The following CSGALNACT1 variants were observed in gnomAD, a reference collection of about 807,000 sequenced individuals.
CSGALNACT1 encodes beta4GalNAcT-1.
Under a neutral mutation model 51.0 loss-of-function variants are expected in CSGALNACT1, and 52 were observed. The observed-to-expected ratio is 1.02, with a 90% CI of 0.82 to 1.29. The LOEUF (loss-of-function observed/expected upper bound fraction) is 1.29, where lower values mean the gene tolerates loss of function less well. CSGALNACT1 is among the 50% of genes most tolerant of loss of function. The pLI, the probability that CSGALNACT1 is intolerant of heterozygous loss-of-function variation, is 0.00. For missense variants in CSGALNACT1, 935 were observed against 679.2 expected (o/e 1.38, Z -4.19); for synonymous variants, 341 against 254.4 (o/e 1.34, Z -3.24).
At chr8:19,489,617 A>C (rs966869796) in intron 4 of CSGALNACT1, among the ~76,000 whole-genome samples, 3 of 152,168 alleles carry the variant, frequency 2.0e-5, no homozygotes, top group Non-Finnish European at 2.9e-5. Flanking sequence ...CCCTCATTTA[A>C]GTCTAGGGGG....
rs147963817 is a variant in CSGALNACT1 at position 19,672,572 on chromosome 8, A to G, written c.-544+9901T>C. The stretch of plus-strand genomic sequence containing the variant: ...GAATACTATTGACTATCTAATATAA[A>G]TGCTTAATAGCAGAAAACCCTTGCA... On this transcript the variant is annotated intron_variant, in intron 1 of 9. Coordinates refer to the CSGALNACT1 transcript ENST00000332246. Among the ~76,000 whole-genome samples, 744 of 152,310 alleles carry G rather than the reference A, an allele frequency of 4.9e-3. 7 individuals are homozygous for G. The highest frequency in any genetic ancestry group is 0.017 in the African/African-American group (722 of 41,554).
intron 3 of CSGALNACT1, among the ~76,000 whole-genome samples, chr8:19,559,658 A>G (rs1350479562): frequency 6.6e-6 from 1 of 152,158 alleles, no homozygotes; most frequent in East Asian, 1.9e-4. Context: ...ATGTATATAA[A>G]AGCAAACCGA....
chr8:19,494,697 T>G (rs2075116365), intron 4 of CSGALNACT1, among the ~76,000 whole-genome samples: 1 of 152,172 alleles, frequency 6.6e-6, no homozygotes, highest in South Asian at 2.1e-4. Flanking sequence ...CCTGAGTACC[T>G]CCTCCTGCAA....
chr8:19,423,801 C>G (rs780345063), intron 6 of CSGALNACT1, among the ~76,000 whole-genome samples: 6 of 152,164 alleles, frequency 3.9e-5, no homozygotes, highest in Non-Finnish European at 5.9e-5. Context: ...AACCTTTCTA[C>G]AAGGAAAAGA....
intron 3 of CSGALNACT1, among the ~76,000 whole-genome samples, chr8:19,566,429 A>G (rs2041920533): frequency 6.6e-6 from 1 of 152,190 alleles, no homozygotes; most frequent in Admixed American, 6.5e-5. Context: ...TGTTAAAACC[A>G]TAAGGTTAAA....
At chr8:19,630,385 A>G (rs2055082164) in intron 1 of CSGALNACT1, among the ~76,000 whole-genome samples, 1 of 152,154 alleles carries the variant, frequency 6.6e-6, no homozygotes, top group Non-Finnish European at 1.5e-5. Context: ...GAAAAAGTAC[A>G]GAGTTCCCAT....
At chr8:19,480,307 CTA>C (rs2071004209) in intron 4 of CSGALNACT1, among the ~76,000 whole-genome samples, 1 of 152,158 alleles carries the variant, frequency 6.6e-6, no homozygotes, top group Non-Finnish European at 1.5e-5. Context: ...TTGTTGCCCT[CTA>C]TGTGTCCATG....
intron 1 of CSGALNACT1, among the ~76,000 whole-genome samples, chr8:19,682,016 G>A (rs2060656051): frequency 6.6e-6 from 1 of 152,186 alleles, no homozygotes; most frequent in Non-Finnish European, 1.5e-5. Context: ...AGACAGACTT[G>A]GGACCTGTGG....
intron 3 of CSGALNACT1, among the ~76,000 whole-genome samples, chr8:19,508,684 ACAAAACAAG>A (rs2077840018): frequency 6.6e-6 from 1 of 152,244 alleles, no homozygotes. Context: ...GTCGTTAAAG[ACAAAACAAG>A]CAAATCAAGA....
intron 1 of CSGALNACT1, among the ~76,000 whole-genome samples, chr8:19,711,772 A>T (rs2062519314): frequency 6.6e-6 from 1 of 152,156 alleles, no homozygotes. Context: ...GCCCACCTGT[A>T]GCCACTTCAC....
chr8:19,443,553 C>A (rs1224649975), intron 5 of CSGALNACT1, among the ~76,000 whole-genome samples: 1 of 152,144 alleles, frequency 6.6e-6, no homozygotes, highest in Non-Finnish European at 1.5e-5. Context: ...TACATGGTGG[C>A]AGGCAAGAGA....
intron 1 of CSGALNACT1, among the ~76,000 whole-genome samples, chr8:19,712,375 CT>C (rs1336116837): frequency 6.6e-6 from 1 of 152,146 alleles, no homozygotes; most frequent in Non-Finnish European, 1.5e-5. Context: ...TTGTACCAAG[CT>C]TCACAGGAAC....
intron 4 of CSGALNACT1, among the ~76,000 whole-genome samples, chr8:19,500,481 A>G (rs1394186501): frequency 1.3e-5 from 2 of 152,142 alleles, no homozygotes; most frequent in Non-Finnish European, 2.9e-5. Context: ...GAAATGGCAC[A>G]CTGACATAAG....
chr8:19,458,497 G>T (rs1477488606), exon 5 of CSGALNACT1: 1 of 1,614,174 alleles, frequency 6.2e-7, no homozygotes, highest in South Asian at 1.1e-5. Context: ...TGATAAGCGT[G>T]TTGGCCATGT....
intron 1 of CSGALNACT1, among the ~76,000 whole-genome samples, chr8:19,624,727 G>GGAGT (rs1449869842): frequency 6.6e-6 from 1 of 150,692 alleles, no homozygotes; most frequent in Non-Finnish European, 1.5e-5. Flanking sequence ...TGCCCAGGCT[G>GGAGT]GAGTGCAGTG....
At chr8:19,407,241 T>C (rs1344608428) in intron 9 of CSGALNACT1, among the ~76,000 whole-genome samples, 1 of 152,078 alleles carries the variant, frequency 6.6e-6, no homozygotes, top group Non-Finnish European at 1.5e-5. Flanking sequence ...CTGTAGTCCT[T>C]GTAGTTCATG....
intron 1 of CSGALNACT1, among the ~76,000 whole-genome samples, chr8:19,748,706 T>A (rs28717065): frequency 6.6e-6 from 1 of 152,060 alleles, no homozygotes; most frequent in African/African-American, 2.4e-5. Flanking sequence ...GGCTCACATC[T>A]GTAAACCCAG....
At chr8:19,716,612 C>CCAAA (rs1414449293) in intron 1 of CSGALNACT1, among the ~76,000 whole-genome samples, 5 of 41,968 alleles carry the variant, frequency 1.2e-4, no homozygotes, top group Non-Finnish European at 2.1e-4. Flanking sequence ...ACCCTCTCTA[C>CCAAA]AAAAAAAAAA....
chr8:19,599,472 A>AAG lies in CSGALNACT1; in HGVS notation c.-416+2298_-416+2299insCT, dbSNP rs1554751245. 2.0e-3 allele frequency among the ~76,000 whole-genome samples: 225 copies of AAG among 113,748 alleles called. 1 individual carries two copies. The highest frequency in any genetic ancestry group is 7.7e-3 in the African/African-American group (215 of 28,032). The allele number at this position is 113,748 out of a possible 152,430, so 74.6% of individuals were successfully genotyped here. A position where few individuals can be genotyped will look rare whatever the true frequency, so the allele number is the denominator to read the frequency against. On this transcript the variant is annotated intron_variant, in intron 2 of 9. Transcript: ENST00000454498. The stretch of plus-strand genomic sequence containing the variant: ...GAAAAAGAAAAGAAAGAAAGAAAGA[A>AAG]AAAGAAAGAAAGAAAGAAAGAAAGA...
Sources: allele counts gnomAD v4.1 joint callset (sites outside exome capture counted in the v4.1 genomes callset), GRCh38; gene constraint gnomAD v4.1.1; transcripts MANE v1.5; gene names NCBI Gene and HGNC (gene_info 2026-07-23, HGNC 2026-07-21).